The following LY96 variants were observed in gnomAD, a reference collection of about 807,000 sequenced individuals.
LY96 encodes lymphocyte antigen 96.
A neutral mutation model predicts 18.9 loss-of-function variants in LY96; 18 were observed. The observed-to-expected ratio is 0.95, with a 90% confidence interval of 0.66 to 1.41. The LOEUF is 1.41. LY96 is among the 40% of genes most tolerant of loss of function. The pLI is 0.00. For synonymous variants in LY96, 66 were observed against 62.6 expected, an observed-to-expected ratio of 1.06 and a Z score of -0.26; for missense variants, 175 against 182.4, an observed-to-expected ratio of 0.96 and a Z score of 0.23.
chr8:74,016,301 G>T (rs1816641150), intron 3 of LY96, among the ~76,000 whole-genome samples: 1 of 152,250 alleles, frequency 6.6e-6, no homozygotes, highest in African/African-American at 2.4e-5. Context: ...GCAGCAGCCT[G>T]GCTCGGGAGG....
downstream of LY96, among the ~76,000 whole-genome samples, chr8:74,031,889 C>T (rs916022976): frequency 1.3e-5 from 2 of 151,940 alleles, no homozygotes; most frequent in African/African-American, 2.4e-5. Flanking sequence ...TTTGGGAGGC[C>T]GAGGTGGGTG....
At chr8:74,041,018 A>G in the LY96 span, among the ~76,000 whole-genome samples, 1 of 152,152 alleles carries the variant, frequency 6.6e-6, no homozygotes, top group Non-Finnish European at 1.5e-5. Flanking sequence ...TTTACTTAAA[A>G]TTAGTGTTGC....
At chr8:74,044,467 C>A in the LY96 span, among the ~76,000 whole-genome samples, 2 of 152,136 alleles carry the variant, frequency 1.3e-5, no homozygotes, top group African/African-American at 4.8e-5. Context: ...GGGATTATAG[C>A]TGTGAGCCAC....
At chr8:74,085,558 T>C in the LY96 span, among the ~76,000 whole-genome samples, 11,708 of 152,220 alleles carry the variant, frequency 0.077, 1,011 homozygotes, top group African/African-American at 0.22. Flanking sequence ...GCAGCAATAG[T>C]GATGCCTTTG....
chr8:74,013,218 C>T (rs182146178), intron 3 of LY96, among the ~76,000 whole-genome samples: 9 of 152,198 alleles, frequency 5.9e-5, no homozygotes, highest in South Asian at 4.2e-4. Context: ...CTCCACTTCC[C>T]GGGTTCAAGT....
chr8:74,094,979 G>C, the LY96 span, among the ~76,000 whole-genome samples: 5 of 152,324 alleles, frequency 3.3e-5, no homozygotes, highest in East Asian at 9.6e-4. Context: ...AGAAAGAGCA[G>C]GTTTGGCCTT....
chr8:74,097,372 G>A, the LY96 span, among the ~76,000 whole-genome samples: 1 of 152,150 alleles, frequency 6.6e-6, no homozygotes, highest in East Asian at 1.9e-4. Context: ...ACCTGTATCT[G>A]TAACAGTAGT....
chr8:73,996,534 C>T (rs747133870), intron 1 of LY96, among the ~76,000 whole-genome samples: 30 of 151,768 alleles, frequency 2.0e-4, no homozygotes, highest in African/African-American at 7.0e-4. Context: ...TTTCGTGCCT[C>T]GGCCTCCCAA....
At chr8:74,007,975 G>C (rs28579835) in intron 2 of LY96, among the ~76,000 whole-genome samples, 2,469 of 152,286 alleles carry the variant, frequency 0.016, 70 homozygotes, top group African/African-American at 0.057. Flanking sequence ...GGCCAGGATG[G>C]TCTCGAACTC....
the LY96 span, among the ~76,000 whole-genome samples, chr8:74,088,674 C>T: frequency 6.6e-6 from 1 of 152,180 alleles, no homozygotes; most frequent in South Asian, 2.1e-4. Context: ...CAACCTCTGC[C>T]TCCTGGGTTC....
At chr8:74,091,184 A>G in the LY96 span, among the ~76,000 whole-genome samples, 2 of 152,302 alleles carry the variant, frequency 1.3e-5, no homozygotes, top group East Asian at 1.9e-4. Context: ...TGTGTGGGAC[A>G]TTCTATGAAC....
At chr8:74,044,405 G>A in the LY96 span, among the ~76,000 whole-genome samples, 1 of 152,070 alleles carries the variant, frequency 6.6e-6, no homozygotes. Flanking sequence ...TTCCCAGGCT[G>A]GTCTCAAATT....
At chr8:74,088,355 C>A in the LY96 span, among the ~76,000 whole-genome samples, 5 of 152,120 alleles carry the variant, frequency 3.3e-5, no homozygotes, top group African/African-American at 1.2e-4. Flanking sequence ...TTGTCTATGT[C>A]CAGGAAAACA....
At chr8:74,081,041 T>TCTTA in the LY96 span, among the ~76,000 whole-genome samples, 73 of 126,470 alleles carry the variant, frequency 5.8e-4, no homozygotes, top group African/African-American at 2.1e-3. Context: ...TTTCTTTCTT[T>TCTTA]CTTTCTTTTT....
In LY96 at chr8:73,993,545, T is replaced by A. The variant is rs1364923210; in HGVS notation, c.112+1991T>A. ...GCAACGACCGCCTCCTGGGTTCAAG[T>A]GATTCTCCTGCCTCAGCCTCCCGAG... On this transcript the variant is annotated intron_variant, in intron 1 of 4. Coordinates refer to ENST00000284818, the MANE Select transcript of LY96 (RefSeq NM_015364.5). Among the ~76,000 whole-genome samples, 3 of 151,724 alleles carry A rather than the reference T, an allele frequency of 2.0e-5. No individual in the cohort carries two copies. The East Asian group carries it at 5.9e-4, about 30-fold the overall frequency.
chr8:74,066,504 T>C, the LY96 span, among the ~76,000 whole-genome samples: 2 of 151,766 alleles, frequency 1.3e-5, no homozygotes, highest in East Asian at 1.9e-4. Flanking sequence ...TAGGATAACG[T>C]GGGTGTGAGG....
At chr8:74,038,424 A>G in the LY96 span, among the ~76,000 whole-genome samples, 1 of 152,190 alleles carries the variant, frequency 6.6e-6, no homozygotes, top group African/African-American at 2.4e-5. Context: ...TAGCTCTTAT[A>G]AATAAGTGAA....
chr8:74,053,811 A>T, the LY96 span, among the ~76,000 whole-genome samples: 3 of 152,206 alleles, frequency 2.0e-5, no homozygotes, highest in African/African-American at 7.2e-5. Flanking sequence ...TATAGAATTA[A>T]ATAAGGATGT....
chr8:74,021,104 A>G (rs375550033), intron 3 of LY96, among the ~76,000 whole-genome samples: 2 of 152,360 alleles, frequency 1.3e-5, no homozygotes, highest in East Asian at 3.9e-4. Flanking sequence ...TCTGCACAAC[A>G]AAAGAAACTG....
Sources: allele counts gnomAD v4.1 joint callset (sites outside exome capture counted in the v4.1 genomes callset), GRCh38; gene constraint gnomAD v4.1.1; transcripts MANE v1.5; gene names NCBI Gene and HGNC (gene_info 2026-07-23, HGNC 2026-07-21).